RRAS2: variants seen among roughly 807,000 people sequenced by gnomAD.
The protein encoded by RRAS2 is RAS related 2.
RRAS2 carries 7 observed loss-of-function variants against 27.6 expected under a neutral mutation model. The observed-to-expected ratio is 0.25, with a 90% CI of 0.14 to 0.48. The LOEUF is 0.48. Ranked by LOEUF, RRAS2 falls within the 20% of genes least tolerant of loss-of-function variation. The pLI is 0.99. For synonymous variants in RRAS2, 86 were observed against 90.9 expected (o/e 0.95, Z 0.31); for missense variants, 178 against 256.2 (o/e 0.69, Z 2.08).
At chr11:14,327,521 C>T (rs1848387441) in intron 1 of RRAS2, among the ~76,000 whole-genome samples, 1 of 152,158 alleles carries the variant, frequency 6.6e-6, no homozygotes, top group Non-Finnish European at 1.5e-5. Flanking sequence ...TTTATCAGTA[C>T]CCACAAAATT....
At chr11:14,347,954 C>G (rs1848873627) in intron 1 of RRAS2, among the ~76,000 whole-genome samples, 2 of 151,904 alleles carry the variant, frequency 1.3e-5, no homozygotes, top group Admixed American at 1.3e-4. Flanking sequence ...ACACTTGGTG[C>G]AAAGGGAGGA....
In RRAS2 at chr11:14,359,144, T is replaced by C; in HGVS notation, c.-274A>G. ...CTCCTCTACGCGTCTCCGCAGCGCC[T>C]GCCGAACGCAGCCTCCAGCGCCGCC... On this transcript the variant is annotated 5_prime_UTR_variant, in exon 1 of 6. Coordinates refer to ENST00000256196, the MANE Select transcript of RRAS2 (RefSeq NM_012250.6). 2.9e-6 allele frequency: 3 copies of C among 1,018,596 alleles called. No individual in the cohort carries two copies. The highest frequency in any genetic ancestry group is 3.5e-6 in the Non-Finnish European group (3 of 853,286). The allele number at this position is 1,018,596 out of a possible 1,614,324, so 63.1% of individuals were successfully genotyped here. A position where few individuals can be genotyped will look rare whatever the true frequency, so the allele number is the denominator to read the frequency against.
upstream of RRAS2, among the ~76,000 whole-genome samples, chr11:14,361,574 C>T (rs542923415): frequency 6.6e-6 from 1 of 152,244 alleles, no homozygotes; most frequent in East Asian, 1.9e-4. Context: ...ACGAGGATGA[C>T]TAAAATTAAA....
intron 1 of RRAS2, among the ~76,000 whole-genome samples, chr11:14,348,156 G>C (rs1848877056): frequency 6.6e-6 from 1 of 152,020 alleles, no homozygotes; most frequent in Admixed American, 6.6e-5. Context: ...ATGCCTCGCT[G>C]AACAAATTAT....
Position 14,358,059 on chromosome 11 carries a change from A to G in RRAS2, c.108+704T>C, listed in dbSNP as rs1466887565. Among the ~76,000 whole-genome samples the G allele has an allele frequency of 6.6e-6, 1 of 152,110 alleles. No individual in the cohort carries two copies. Among genetic ancestry groups the G allele is most frequent in the African/African-American group, 2.4e-5 (1 of 41,420 alleles). The stretch of plus-strand genomic sequence containing the variant: ...TCATATCCTAGCCCGGCCCATCCCA[A>G]ACTTCACCTAGGCACGGCGAGAAGC... On this transcript the variant is annotated intron_variant, in intron 1 of 5. Transcript: ENST00000256196. The surrounding 1 kb of genome is among the most constrained non-coding windows in gnomAD (Gnocchi z 5.1).
At chr11:14,313,776 C>T (rs1186478087) in intron 1 of RRAS2, among the ~76,000 whole-genome samples, 3 of 152,144 alleles carry the variant, frequency 2.0e-5, no homozygotes, top group Non-Finnish European at 4.4e-5. Flanking sequence ...CCTCAGACTC[C>T]AGAATCAACC....
chr11:14,304,979 A>G (rs1554947903), intron 1 of RRAS2, among the ~76,000 whole-genome samples: 3 of 152,218 alleles, frequency 2.0e-5, no homozygotes, highest in Non-Finnish European at 2.9e-5. Context: ...TCTAACATGT[A>G]CAATTATATA....
intron 1 of RRAS2, among the ~76,000 whole-genome samples, chr11:14,324,321 C>T (rs1274063198): frequency 6.7e-6 from 1 of 150,374 alleles, no homozygotes; most frequent in Non-Finnish European, 1.5e-5. Flanking sequence ...AAATAAAAGA[C>T]ACCATTTACA....
At chr11:14,317,203 A>G (rs879994321) in intron 1 of RRAS2, among the ~76,000 whole-genome samples, 2 of 152,230 alleles carry the variant, frequency 1.3e-5, no homozygotes, top group African/African-American at 2.4e-5. Context: ...GAAGAAGAGA[A>G]TTCAAAACGT....
chr11:14,296,520 G>T (rs184316182), intron 1 of RRAS2, among the ~76,000 whole-genome samples: 115 of 152,192 alleles, frequency 7.6e-4, no homozygotes, highest in African/African-American at 2.7e-3. Flanking sequence ...TTATAATTCA[G>T]ACCTATTTGA....
rs1238808319 is a variant in RRAS2 at position 14,296,011 on chromosome 11, AAAAAAAATT to A, written c.109-165_109-157del. 3 of 492,300 alleles carry A rather than the reference AAAAAAAATT, an allele frequency of 6.1e-6. No homozygotes were observed. In the African/African-American group the frequency reaches 6.5e-5, roughly 11 times the overall value. The allele number at this position is 492,300 out of a possible 1,614,324, so 30.5% of individuals were successfully genotyped here. A position where few individuals can be genotyped will look rare whatever the true frequency, so the allele number is the denominator to read the frequency against. ...AACACAGCAAGACTCTTATCTCTTAAAAAAAAATTAAAAAATTAAAAAATTAGCCGACGT... is the reference window on the plus strand; with the variant it reads ...AACACAGCAAGACTCTTATCTCTTAAAAAAAATTAAAAAATTAGCCGACGT... On this transcript the variant is annotated intron_variant, in intron 1 of 5. Coordinates refer to ENST00000256196, the MANE Select transcript of RRAS2 (RefSeq NM_012250.6).
intron 4 of RRAS2, among the ~76,000 whole-genome samples, chr11:14,290,636 G>A (rs1420682183): frequency 6.6e-6 from 1 of 152,176 alleles, no homozygotes; most frequent in African/African-American, 2.4e-5. Context: ...GGGGAGGCTG[G>A]AGGAGCAGGA....
chr11:14,308,042 G>T (rs929356213), intron 1 of RRAS2, among the ~76,000 whole-genome samples: 1 of 152,060 alleles, frequency 6.6e-6, no homozygotes, highest in Non-Finnish European at 1.5e-5. Context: ...GTTAAATTAC[G>T]AAAGGTTCAT....
At chr11:14,280,447 G>A (rs1554944123) in intron 5 of RRAS2, among the ~76,000 whole-genome samples, 2 of 152,042 alleles carry the variant, frequency 1.3e-5, no homozygotes, top group African/African-American at 4.8e-5. Context: ...TAAATACGCA[G>A]CCCAGGTGCG....
At chr11:14,320,890 G>A (rs1487174616) in intron 1 of RRAS2, among the ~76,000 whole-genome samples, 5 of 152,114 alleles carry the variant, frequency 3.3e-5, no homozygotes, top group African/African-American at 1.2e-4. Flanking sequence ...TAAAAAAATG[G>A]TTGCAAATGG....
intron 1 of RRAS2, among the ~76,000 whole-genome samples, chr11:14,311,378 T>C (rs1260156270): frequency 2.0e-5 from 3 of 151,010 alleles, no homozygotes; most frequent in Admixed American, 6.6e-5. Flanking sequence ...AAAAGTACTT[T>C]ATTTTATTTT....
intron 1 of RRAS2, among the ~76,000 whole-genome samples, chr11:14,309,590 A>G (rs1189012793): frequency 1.3e-5 from 2 of 152,238 alleles, no homozygotes; most frequent in African/African-American, 2.4e-5. Flanking sequence ...TCCACGCACA[A>G]TGTGACACTG....
chr11:14,351,581 G>A (rs1479101709), intron 1 of RRAS2, among the ~76,000 whole-genome samples: 1 of 151,978 alleles, frequency 6.6e-6, no homozygotes, highest in African/African-American at 2.4e-5. Context: ...ACAAAAATTA[G>A]TAGCCGGGCA....
At chr11:14,319,964 A>C (rs1263165944) in intron 1 of RRAS2, among the ~76,000 whole-genome samples, 4 of 152,258 alleles carry the variant, frequency 2.6e-5, no homozygotes. Flanking sequence ...TTACATGTTT[A>C]AAATGAACTA....
Sources: allele counts gnomAD v4.1 joint callset (sites outside exome capture counted in the v4.1 genomes callset), GRCh38; gene constraint gnomAD v4.1.1; non-coding constraint Gnocchi (gnomAD v3.1); transcripts MANE v1.5; gene names NCBI Gene and HGNC (gene_info 2026-07-23, HGNC 2026-07-21).